TRIM33: variants seen among roughly 807,000 people sequenced by gnomAD.
The protein encoded by TRIM33 is E3 ubiquitin-protein ligase TRIM33.
A neutral mutation model predicts 125.4 loss-of-function variants in TRIM33; 20 were observed. The observed-to-expected ratio is 0.16, with a 90% CI of 0.11 to 0.23. The LOEUF (loss-of-function observed/expected upper bound fraction) is 0.23. Among genes scored for constraint, TRIM33 ranks in the 10% least tolerant of loss-of-function variants. The pLI, the probability that TRIM33 is intolerant of heterozygous loss-of-function variation, is 1.00. For synonymous variants in TRIM33, 564 were observed against 513.9 expected, an observed-to-expected ratio of 1.10 and a Z score of -1.32; for missense variants, 920 against 1,411.4, an observed-to-expected ratio of 0.65 and a Z score of 5.58.
intron 3 of TRIM33, 87 bp downstream of exon 3, chr1:114,463,325 T>G: frequency 6.4e-7 from 1 of 1,553,642 alleles, no homozygotes; most frequent in Non-Finnish European, 8.7e-7. Flanking sequence ...TATCCAAAGT[T>G]TATAAAGAAT....
rs974473300 is a variant in TRIM33 at position 114,437,720 on chromosome 1, T to A, written c.924-3987A>T. ...AATAGGTAAAATAAAGTAAAAATGA[T>A]GTATGCCCAGGATTTAGTTAGGACA... On this transcript the variant is annotated intron_variant, in intron 4 of 19. Transcript: ENST00000358465. 3.4e-4 allele frequency among the ~76,000 whole-genome samples: 51 copies of A among 152,200 alleles called. 6 individuals are homozygous for A.
At chr1:114,460,620 C>T (rs1234762942) in intron 4 of TRIM33, among the ~76,000 whole-genome samples, 4 of 116,510 alleles carry the variant, frequency 3.4e-5, no homozygotes, top group African/African-American at 1.3e-4. Context: ...TCCTACGGTG[C>T]TGATGTCTTT....
rs56960865 is a variant in TRIM33, at chr1:114,414,989, ATTTTTTTT to A, written c.2062-4681_2062-4674del. Among the ~76,000 whole-genome samples the A allele has an allele frequency of 4.8e-5, 5 of 104,702 alleles. 1 individual carries two copies. Among genetic ancestry groups the A allele is most frequent in the African/African-American group, 1.9e-4 (5 of 26,412 alleles). 68.7% of individuals were successfully genotyped at this position (104,702 alleles called of 152,430 possible). On this transcript the variant is annotated intron_variant, in intron 11 of 19. Transcript: ENST00000358465. ...CCAACATATCCATGAGGTAGATTCT[ATTTTTTTT>A]TTTTTTTTTTTTTTTGAGACAGGGT...
intron 1 of TRIM33, among the ~76,000 whole-genome samples, chr1:114,507,399 T>C (rs898888644): frequency 5.3e-5 from 8 of 152,248 alleles, no homozygotes; most frequent in African/African-American, 1.7e-4. Flanking sequence ...TGTGAATAAA[T>C]GTATTAAGAG....
chr1:114,416,642 G>A (rs943132255), intron 11 of TRIM33, among the ~76,000 whole-genome samples: 4 of 152,142 alleles, frequency 2.6e-5, no homozygotes, highest in Admixed American at 6.6e-5. Context: ...TTCAGTCCTT[G>A]AGGAAGTTTT....
chr1:114,414,027 G>GCACACACACACACACACACACACACACA (rs3077592), intron 11 of TRIM33, among the ~76,000 whole-genome samples: 1 of 130,588 alleles, frequency 7.7e-6, no homozygotes, highest in African/African-American at 3.0e-5. Context: ...TAAATCACAG[G>GCACACACACACACACACACACACACACA]CACACACACA....
chr1:114,489,972 T>C (rs1039441221), intron 1 of TRIM33, among the ~76,000 whole-genome samples: 6 of 150,002 alleles, frequency 4.0e-5, no homozygotes, highest in African/African-American at 1.5e-4. Flanking sequence ...ACGTCAGGGC[T>C]GGCCATGGTG....
chr1:114,456,020 G>A (rs1649596539), intron 4 of TRIM33, among the ~76,000 whole-genome samples: 1 of 152,192 alleles, frequency 6.6e-6, no homozygotes, highest in African/African-American at 2.4e-5. Context: ...GTCCTAACAG[G>A]TGTTAAGGTT....
At chr1:114,472,530 T>TAAAAA (rs1650711735) in intron 1 of TRIM33, among the ~76,000 whole-genome samples, 1 of 152,048 alleles carries the variant, frequency 6.6e-6, no homozygotes, top group African/African-American at 2.4e-5. Flanking sequence ...TCTAGGAGTT[T>TAAAAA]GAGATCAGCC....
chr1:114,439,488 A>G (rs1648518827), intron 4 of TRIM33, among the ~76,000 whole-genome samples: 1 of 149,964 alleles, frequency 6.7e-6, no homozygotes, highest in Admixed American at 6.7e-5. Flanking sequence ...AAAAAAAAAA[A>G]AAAAAAAATC....
intron 18 of TRIM33, among the ~76,000 whole-genome samples, chr1:114,399,039 T>A (rs924155358): frequency 6.6e-6 from 1 of 151,966 alleles, no homozygotes; most frequent in Non-Finnish European, 1.5e-5. Flanking sequence ...CTATTCAAGA[T>A]GGGTCACCAG....
At chr1:114,446,626 T>C (rs1397760359) in intron 4 of TRIM33, among the ~76,000 whole-genome samples, 1 of 151,398 alleles carries the variant, frequency 6.6e-6, no homozygotes, top group Non-Finnish European at 1.5e-5. Context: ...ATTTATAAAC[T>C]TAAAATAATG....
intron 6 of TRIM33, 41 bp from the exon 7 acceptor site, chr1:114,427,935 A>C (rs770059004): frequency 1.2e-4 from 187 of 1,603,816 alleles, no homozygotes; most frequent in Non-Finnish European, 1.4e-4. Context: ...TTCCATATGA[A>C]AAAAAATCAA....
Position 114,397,849 on chromosome 1 carries a change from T to C in TRIM33, c.3183A>G (p.Glu1061=). The change falls in exon 20 of 20, where the codon GAA becomes GAG. Residue 1061 remains glutamate (E), a synonymous_variant. Coordinates refer to ENST00000358465, the MANE Select transcript of TRIM33 (RefSeq NM_015906.4). ...TQEINLKADS[E]VAQAGKAVAL... is the part of the protein sequence containing the mutation. Reference sequence around the variant, plus strand: ...CAACTGCTTTCCCTGCCTGAGCTACTTCTGAATCAGCCTGCAAGCAAAAGA... The same window carrying C: ...CAACTGCTTTCCCTGCCTGAGCTACCTCTGAATCAGCCTGCAAGCAAAAGA... 1 of 1,613,962 alleles carries C rather than the reference T, an allele frequency of 6.2e-7. No homozygotes were observed. Among genetic ancestry groups the C allele is most frequent in the South Asian group, 1.1e-5 (1 of 91,076 alleles).
At chr1:114,500,761 GA>G (rs1652661156) in intron 1 of TRIM33, among the ~76,000 whole-genome samples, 1 of 151,600 alleles carries the variant, frequency 6.6e-6, no homozygotes, top group Non-Finnish European at 1.5e-5. Flanking sequence ...AAAAAAGGAG[GA>G]AAAACTATTT....
intron 1 of TRIM33, among the ~76,000 whole-genome samples, chr1:114,478,174 C>T (rs1166289986): frequency 6.6e-6 from 1 of 152,210 alleles, no homozygotes; most frequent in Non-Finnish European, 1.5e-5. Context: ...AAGGCACTGG[C>T]CCTCTTGCTT....
Position 114,415,414 on chromosome 1 carries a change from T to C in TRIM33, c.2062-5098A>G, listed in dbSNP as rs1469346301. ...TACCTAACTGCTTTGAATCTCACACTCCTTTCATGCCCTTTGTTGCTTCAG... is the reference window on the plus strand; with the variant it reads ...TACCTAACTGCTTTGAATCTCACACCCCTTTCATGCCCTTTGTTGCTTCAG... On this transcript the variant is annotated intron_variant, in intron 11 of 19. Coordinates refer to ENST00000358465, the MANE Select transcript of TRIM33 (RefSeq NM_015906.4). Among the ~76,000 whole-genome samples the C allele has an allele frequency of 2.0e-5, 3 of 152,184 alleles. No homozygotes were observed. The East Asian group carries it at 5.8e-4, about 29-fold the overall frequency.
intron 6 of TRIM33, among the ~76,000 whole-genome samples, chr1:114,429,351 C>T (rs1647794231): frequency 6.6e-6 from 1 of 151,458 alleles, no homozygotes. Flanking sequence ...CCACGCCTGG[C>T]TAATTTTTGT....
intron 1 of TRIM33, among the ~76,000 whole-genome samples, chr1:114,503,235 C>T (rs754461281): frequency 7.9e-5 from 12 of 152,132 alleles, no homozygotes; most frequent in Non-Finnish European, 1.0e-4. Flanking sequence ...AATACCAACA[C>T]TTTGGGAGGC....
Sources: gnomAD v4.1 joint callset for allele counts (sites outside exome capture counted in the v4.1 genomes callset) on GRCh38, gnomAD v4.1.1 for gene constraint, MANE v1.5 for transcripts, NCBI Gene and HGNC (gene_info 2026-07-23, HGNC 2026-07-21) for gene names.